Variants in HEMK2 observed in about 807,000 individuals in gnomAD.
HEMK2 encodes HemK methyltransferase 2, ETF1 glutamine and histone H4 lysine.
chr21:28,715,013 TACC>T, the HEMK2 span, among the ~76,000 whole-genome samples: 1 of 152,216 alleles, frequency 6.6e-6, no homozygotes, highest in Non-Finnish European at 1.5e-5. Flanking sequence ...GGTGTATATG[TACC>T]ACATTTTCTT....
At chr21:28,706,521 C>T in the HEMK2 span, among the ~76,000 whole-genome samples, 1 of 152,134 alleles carries the variant, frequency 6.6e-6, no homozygotes, top group African/African-American at 2.4e-5. Flanking sequence ...GAGCTAGTTT[C>T]ATAAACTTAA....
chr21:28,841,097 TATATTATATAATAA>T, the HEMK2 span, among the ~76,000 whole-genome samples: 1 of 44,844 alleles, frequency 2.2e-5, no homozygotes, highest in African/African-American at 2.3e-4. Context: ...ATATATATTA[TATATTATATAATAA>T]ATATTATATA....
chr21:28,741,827 T>C, the HEMK2 span, among the ~76,000 whole-genome samples: 1 of 152,220 alleles, frequency 6.6e-6, no homozygotes, highest in Non-Finnish European at 1.5e-5. Flanking sequence ...GTTGACTCCA[T>C]GTCTTTGCTA....
At chr21:28,717,213 G>T in the HEMK2 span, among the ~76,000 whole-genome samples, 100 of 152,164 alleles carry the variant, frequency 6.6e-4, no homozygotes, top group African/African-American at 2.1e-3. Flanking sequence ...TTTTATGTCT[G>T]GTAGAATTCA....
the HEMK2 span, among the ~76,000 whole-genome samples, chr21:28,877,298 A>AAGGAAGGAAGGAAGGG: frequency 4.6e-4 from 43 of 94,144 alleles, 1 homozygote; most frequent in South Asian, 7.9e-4. Flanking sequence ...GGAAGGAAGG[A>AAGGAAGGAAGGAAGGG]AGAGAGAGAG....
the HEMK2 span, among the ~76,000 whole-genome samples, chr21:28,684,369 C>T: frequency 6.6e-6 from 1 of 152,190 alleles, no homozygotes; most frequent in African/African-American, 2.4e-5. Flanking sequence ...CTGAATTTCC[C>T]TCCAAATGCA....
chr21:28,671,690 G>A, the HEMK2 span, among the ~76,000 whole-genome samples: 9 of 152,072 alleles, frequency 5.9e-5, no homozygotes, highest in Admixed American at 2.0e-4. Flanking sequence ...GCTGAGTTTC[G>A]TATAGCAATG....
chr21:28,833,729 C>A, the HEMK2 span, among the ~76,000 whole-genome samples: 1 of 152,202 alleles, frequency 6.6e-6, no homozygotes, highest in Non-Finnish European at 1.5e-5. Context: ...CAGGTTTGGA[C>A]AAGGCCAGGC....
chr21:28,783,824 T>C, the HEMK2 span, among the ~76,000 whole-genome samples: 7 of 152,148 alleles, frequency 4.6e-5, no homozygotes, highest in Non-Finnish European at 1.0e-4. Context: ...CGGGTAGGGA[T>C]GGGCTTGGCG....
At chr21:28,867,542 T>C in the HEMK2 span, among the ~76,000 whole-genome samples, 2 of 152,176 alleles carry the variant, frequency 1.3e-5, no homozygotes, top group Non-Finnish European at 2.9e-5. Context: ...GCAACCCAAA[T>C]TAGTCTGCCA....
At chr21:28,773,292 G>A in the HEMK2 span, among the ~76,000 whole-genome samples, 2 of 152,092 alleles carry the variant, frequency 1.3e-5, no homozygotes, top group African/African-American at 4.8e-5. Context: ...ATTAATTAAA[G>A]TAGGATCTTC....
At chr21:28,746,430 C>T in the HEMK2 span, among the ~76,000 whole-genome samples, 37,313 of 152,034 alleles carry the variant, frequency 0.25, 5,555 homozygotes, top group African/African-American at 0.41. Flanking sequence ...CAAATATCAC[C>T]GAGCACTGAG....
At chr21:28,839,179 T>G in the HEMK2 span, among the ~76,000 whole-genome samples, 1 of 151,600 alleles carries the variant, frequency 6.6e-6, no homozygotes. Context: ...CATCCCTTTA[T>G]AGTTAAAACT....
chr21:28,621,937 T>C, the HEMK2 span, among the ~76,000 whole-genome samples: 1 of 152,214 alleles, frequency 6.6e-6, no homozygotes, highest in African/African-American at 2.4e-5. Context: ...GTAACGCCCT[T>C]CTTCGTCTTT....
chr21:28,877,413 G>GAAAC, the HEMK2 span, among the ~76,000 whole-genome samples: 1 of 60,616 alleles, frequency 1.6e-5, no homozygotes, highest in Non-Finnish European at 3.7e-5. Context: ...AAAAAAAGAA[G>GAAAC]GAAGGAAAGA....
chr21:28,595,327 C>T, the HEMK2 span, among the ~76,000 whole-genome samples: 2 of 152,088 alleles, frequency 1.3e-5, no homozygotes, highest in Non-Finnish European at 2.9e-5. Flanking sequence ...GCCACCTCCC[C>T]CTACCACAAC....
At chr21:28,864,816 C>CAGAT in the HEMK2 span, among the ~76,000 whole-genome samples, 35 of 117,724 alleles carry the variant, frequency 3.0e-4, 1 homozygote, top group East Asian at 1.5e-3. Context: ...GAAAGACAGA[C>CAGAT]AGACAGATAG....
the HEMK2 span, among the ~76,000 whole-genome samples, chr21:28,797,442 C>CAAAAAAAAAAAAAAAA: frequency 7.9e-6 from 1 of 127,230 alleles, no homozygotes. Context: ...CCAAAAAAAA[C>CAAAAAAAAAAAAAAAA]AAAAAAAAAA....
chr21:28,866,725 G>A, the HEMK2 span, among the ~76,000 whole-genome samples: 1 of 151,978 alleles, frequency 6.6e-6, no homozygotes, highest in African/African-American at 2.4e-5. Context: ...AAAACAAGAT[G>A]CTGTCTCAAA....
Sources: gnomAD v4.1 joint callset for allele counts (sites outside exome capture counted in the v4.1 genomes callset) on GRCh38, gnomAD v4.1.1 for gene constraint, MANE v1.5 for transcripts, NCBI Gene and HGNC (gene_info 2026-07-23, HGNC 2026-07-21) for gene names.